Variants in TM7SF3 observed in about 807,000 individuals in gnomAD.
TM7SF3 encodes seven span transmembrane protein.
TM7SF3 carries 60 observed loss-of-function variants against 65.5 expected under a neutral mutation model. The observed-to-expected ratio is 0.92, with a 90% CI of 0.74 to 1.14. The LOEUF (loss-of-function observed/expected upper bound fraction) is 1.14. Among genes scored for constraint, TM7SF3 ranks in the 50% most tolerant of loss-of-function variants. TM7SF3 has a pLI of 0.00. For missense variants in TM7SF3, 623 were observed against 684.8 expected, an observed-to-expected ratio of 0.91 and a Z score of 1.01; for synonymous variants, 264 against 259.6, an observed-to-expected ratio of 1.02 and a Z score of -0.16.
chr12:26,993,599 T>C (rs2136419539), intron 5 of TM7SF3, among the ~76,000 whole-genome samples: 1 of 152,258 alleles, frequency 6.6e-6, no homozygotes, highest in African/African-American at 2.4e-5. Flanking sequence ...CATGTTAAAG[T>C]GGTTCTCCTT....
chr12:27,007,650 G>A (rs1455163303), intron 1 of TM7SF3, among the ~76,000 whole-genome samples: 1 of 152,052 alleles, frequency 6.6e-6, no homozygotes, highest in Non-Finnish European at 1.5e-5. Context: ...ATACTATGCA[G>A]AGAAATACAG....
At chr12:27,010,009 T>C (rs1471611570) in intron 1 of TM7SF3, among the ~76,000 whole-genome samples, 3 of 152,196 alleles carry the variant, frequency 2.0e-5, no homozygotes, top group African/African-American at 4.8e-5. Context: ...TCATTTTTGA[T>C]GTTCCAACGT....
intron 10 of TM7SF3, chr12:26,975,895 C>A (rs1939543066): frequency 1.9e-6 from 1 of 536,076 alleles, no homozygotes; most frequent in Non-Finnish European, 3.3e-6. Context: ...AAAATATCTT[C>A]CATATGAAGG....
chr12:26,974,223 G>C lies in TM7SF3; in HGVS notation c.1455C>G (p.Phe485Leu). 1 of 1,613,390 alleles carries C rather than the reference G, an allele frequency of 6.2e-7. No homozygotes were observed. Among genetic ancestry groups the C allele is most frequent in the East Asian group, 2.2e-5 (1 of 44,868 alleles). The change falls in exon 12 of 12, where the codon TTC (phenylalanine) becomes TTG (leucine). Residue 485 changes from phenylalanine (F) to leucine (L), a missense_variant. Phe to Leu is a conservative substitution (Grantham distance 22, BLOSUM62 0). Coordinates refer to ENST00000343028, the MANE Select transcript of TM7SF3 (RefSeq NM_016551.3). ...FTNVPFQTND[F>L]IILAVWGMLA... ...GCATGCCCCATACTGCCAGGATAAT[G>C]AAGTCTAAAAAACAGTAGAAAAAGT... is the stretch of plus-strand genomic sequence containing the variant.
chr12:26,998,667 T>C (rs1940702635), intron 3 of TM7SF3, among the ~76,000 whole-genome samples: 1 of 152,198 alleles, frequency 6.6e-6, no homozygotes. Context: ...CCGCCTCTCA[T>C]GGCCTCTGTT....
At position 26,974,081 on chromosome 12, in the gene TM7SF3, C is replaced by T; in HGVS notation, c.1597G>A (p.Asp533Asn). Residue 533 changes from aspartate to asparagine, a missense_variant, in exon 12 of 12, where the codon GAC becomes AAC. Coordinates refer to ENST00000343028, the MANE Select transcript of TM7SF3 (RefSeq NM_016551.3). ...ERERRVTNIL[D>N]PSYHIPPLRE... is the part of the protein sequence containing the mutation. The stretch of plus-strand genomic sequence containing the variant: ...AATGGAGGAATGTGGTAGCTAGGGT[C>T]CAGAATGTTTGTCACTCGGCGCTCT... 6.2e-7 allele frequency: 1 copy of T among 1,614,138 alleles called. No homozygotes were observed. The highest frequency in any genetic ancestry group is 2.2e-5 in the East Asian group (1 of 44,876).
intron 10 of TM7SF3, 146 bp from the exon 11 acceptor site, chr12:26,975,804 C>G: frequency 1.3e-6 from 1 of 789,920 alleles, no homozygotes; most frequent in Non-Finnish European, 2.0e-6. Context: ...AACAGAAGTT[C>G]CCTGGAAAGA....
chr12:26,987,310 G>GAT (rs1352101349), intron 6 of TM7SF3, among the ~76,000 whole-genome samples: 1 of 152,158 alleles, frequency 6.6e-6, no homozygotes, highest in East Asian at 1.9e-4. Flanking sequence ...AACTCTTAAT[G>GAT]TATCCTCCCA....
chr12:26,978,494 A>G lies in TM7SF3; in HGVS notation c.1189+1290T>C, dbSNP rs1224871763. 2.6e-5 allele frequency: 4 copies of G among 152,464 alleles called. No homozygotes were observed. The East Asian group carries it at 7.7e-4, about 29-fold the overall frequency. The allele number at this position is 152,464 out of a possible 1,614,324, so 9.4% of individuals were successfully genotyped here. On this transcript the variant is annotated intron_variant, in intron 9 of 11. Coordinates refer to ENST00000343028, the MANE Select transcript of TM7SF3 (RefSeq NM_016551.3). ...CTCATGAAAAGTACATTAAATTACT[A>G]GAAATTATAACCTATCATCCCTCCA...
intron 8 of TM7SF3, 183 bp downstream of exon 8, chr12:26,980,383 T>G (rs372726873): frequency 2.4e-5 from 14 of 583,060 alleles, no homozygotes; most frequent in East Asian, 6.1e-5. Context: ...CCATACAGAT[T>G]AAAAACCCAG....
At chr12:26,998,875 C>T (rs561708911) in intron 3 of TM7SF3, among the ~76,000 whole-genome samples, 8 of 152,344 alleles carry the variant, frequency 5.3e-5, no homozygotes, top group African/African-American at 1.7e-4. Flanking sequence ...GCCCTCCACA[C>T]TCCAGCTGCA....
At position 26,974,153 on chromosome 12, in the gene TM7SF3, G is replaced by A. The variant is rs1565862986; in HGVS notation, c.1525C>T (p.Arg509Ter). Residue 509 changes from arginine to a stop codon, truncating the protein, a stop_gained, in exon 12 of 12, where the codon CGA (arginine) becomes TGA (stop). Coordinates refer to ENST00000343028, the MANE Select transcript of TM7SF3 (RefSeq NM_016551.3). LOFTEE classifies it high-confidence loss of function. ...TATGGGTGGGGAGGGAAGAACGGTC[G>A]TCCTCTCTCTCTTCGAATCTGTAAC... ...ITLQIRRERG[R>*]PFFPPHPYKL... is the part of the protein sequence containing the mutation. 9 of 1,614,130 alleles carry A rather than the reference G, an allele frequency of 5.6e-6. No individual in the cohort carries two copies. Among genetic ancestry groups the A allele is most frequent in the Admixed American group, 1.7e-5 (1 of 60,018 alleles).
chr12:26,981,901 G>A (rs940539774), intron 7 of TM7SF3, among the ~76,000 whole-genome samples: 3 of 152,152 alleles, frequency 2.0e-5, no homozygotes, highest in African/African-American at 4.8e-5. Flanking sequence ...CATTCCCTTT[G>A]GCATCTGAAT....
chr12:26,982,995 C>T (rs1939883148), intron 6 of TM7SF3, 136 bp from the exon 7 acceptor site: 1 of 599,686 alleles, frequency 1.7e-6, no homozygotes, highest in Admixed American at 3.5e-5. Flanking sequence ...ACAAATTTAT[C>T]TTTAAAATAC....
At chr12:26,981,435 GT>G (rs1939810542) in intron 7 of TM7SF3, among the ~76,000 whole-genome samples, 1 of 151,922 alleles carries the variant, frequency 6.6e-6, no homozygotes, top group Admixed American at 6.5e-5. Context: ...TGAGGCTGTA[GT>G]GCACTATAAT....
chr12:26,997,769 G>A (rs115733111), intron 3 of TM7SF3, among the ~76,000 whole-genome samples: 160 of 151,084 alleles, frequency 1.1e-3, no homozygotes, highest in African/African-American at 3.4e-3. Flanking sequence ...TCTAGCATAC[G>A]GACACTTTCA....
At chr12:26,981,946 T>C (rs1447313749) in intron 7 of TM7SF3, among the ~76,000 whole-genome samples, 1 of 152,210 alleles carries the variant, frequency 6.6e-6, no homozygotes, top group African/African-American at 2.4e-5. Context: ...AAACTCACTG[T>C]ACACTGCAGC....
intron 2 of TM7SF3, 140 bp downstream of exon 2, chr12:27,003,096 C>A: frequency 1.5e-6 from 1 of 652,044 alleles, no homozygotes; most frequent in Non-Finnish European, 2.5e-6. Flanking sequence ...TTGAAAACAT[C>A]CTATCTTGAT....
intron 2 of TM7SF3, among the ~76,000 whole-genome samples, chr12:27,002,044 C>T (rs1940852579): frequency 6.6e-6 from 1 of 152,142 alleles, no homozygotes; most frequent in Non-Finnish European, 1.5e-5. Flanking sequence ...ACATACCCCA[C>T]AACACACACG....
Sources: gnomAD v4.1 joint callset for allele counts (sites outside exome capture counted in the v4.1 genomes callset) on GRCh38, gnomAD v4.1.1 for gene constraint, MANE v1.5 for transcripts, NCBI Gene and HGNC (gene_info 2026-07-23, HGNC 2026-07-21) for gene names.